The following ERC1 variants were observed in gnomAD, a reference collection of about 807,000 sequenced individuals.
ERC1 encodes ELKS/RAB6-interacting/CAST family member 1.
A neutral mutation model predicts 132.0 loss-of-function variants in ERC1; 56 were observed. The ratio of observed to expected loss-of-function variants is 0.42; its 90% CI spans 0.34 to 0.53. The LOEUF (loss-of-function observed/expected upper bound fraction) is 0.53, where lower values mean the gene tolerates loss of function less well. Ranked by LOEUF, ERC1 falls within the 20% of genes least tolerant of loss-of-function variation. The pLI is 0.03. For synonymous variants in ERC1, 478 were observed against 476.1 expected (o/e 1.00, Z -0.05); for missense variants, 1,202 against 1,349.9 (o/e 0.89, Z 1.72).
At chr12:1,122,619 ATCTGTG>A (rs199943875) in intron 7 of ERC1, among the ~76,000 whole-genome samples, 2 of 108,226 alleles carry the variant, frequency 1.8e-5, no homozygotes, top group Admixed American at 1.0e-4. Flanking sequence ...CTCTATCTCT[ATCTGTG>A]TCTCTATCTC....
In ERC1 at chr12:1,165,762, C is replaced by G. The variant is rs115794653; in HGVS notation, c.1738-14778C>G. On this transcript the variant is annotated intron_variant, in intron 8 of 18. Coordinates refer to ENST00000360905, the MANE Select transcript of ERC1 (RefSeq NM_178040.4). ...ATTCGTTGATGGATATTGCTTTGACCTAGCACTGAGGGGTTAATTTGGATG... is the reference window on the plus strand; with the variant it reads ...ATTCGTTGATGGATATTGCTTTGACGTAGCACTGAGGGGTTAATTTGGATG... 7.7e-3 allele frequency among the ~76,000 whole-genome samples: 1,179 copies of G among 152,292 alleles called. 14 individuals are homozygous for G. Among genetic ancestry groups the G allele is most frequent in the African/African-American group, 0.027 (1,115 of 41,566 alleles).
intron 1 of ERC1, among the ~76,000 whole-genome samples, chr12:1,027,134 T>C (rs1967029302): frequency 6.6e-6 from 1 of 152,242 alleles, no homozygotes; most frequent in Admixed American, 6.5e-5. Flanking sequence ...AAAGTACTTT[T>C]ATGGTTTTGT....
chr12:1,222,527 A>G (rs1259061915), intron 12 of ERC1, among the ~76,000 whole-genome samples: 1 of 152,092 alleles, frequency 6.6e-6, no homozygotes, highest in East Asian at 1.9e-4. Flanking sequence ...TATTCTCTAT[A>G]TGTAACATTT....
intron 18 of ERC1, among the ~76,000 whole-genome samples, chr12:1,446,180 A>G (rs1297311604): frequency 1.3e-5 from 2 of 152,156 alleles, no homozygotes; most frequent in African/African-American, 4.8e-5. Context: ...TCTTTTTTAC[A>G]TGTTGTGATT....
chr12:1,003,776 C>T (rs1465743291), intron 1 of ERC1, among the ~76,000 whole-genome samples: 1 of 152,212 alleles, frequency 6.6e-6, no homozygotes, highest in African/African-American at 2.4e-5. Flanking sequence ...TTATCTGTTA[C>T]ATAGTCGGCA....
At chr12:1,383,953 G>T (rs909896129) in intron 16 of ERC1, among the ~76,000 whole-genome samples, 1 of 152,070 alleles carries the variant, frequency 6.6e-6, no homozygotes, top group Non-Finnish European at 1.5e-5. Flanking sequence ...TAAGTAACTT[G>T]CCCTAAGTCC....
chr12:1,244,526 G>A (rs1278907264), intron 13 of ERC1: 4 of 451,292 alleles, frequency 8.9e-6, no homozygotes, highest in Non-Finnish European at 1.8e-5. Context: ...TTGTTTGTTT[G>A]TTTGTTTGTT....
chr12:1,238,161 CT>C (rs34549684), intron 13 of ERC1, among the ~76,000 whole-genome samples: 551 of 143,638 alleles, frequency 3.8e-3, no homozygotes, highest in Admixed American at 6.1e-3. Flanking sequence ...GTTCTTCCTC[CT>C]TTTTTTTTTT....
rs781544487 is a variant in ERC1 at position 1,180,560 on chromosome 12, G to A, written c.1758G>A (p.Gln586=). The A allele has an allele frequency of 6.2e-7, 1 of 1,614,014 alleles. No individual in the cohort carries two copies. The highest frequency in any genetic ancestry group is 2.2e-5 in the East Asian group (1 of 44,882). The change falls in exon 9 of 19, where the codon CAG becomes CAA. Residue 586 remains glutamine, a synonymous_variant. Coordinates refer to ENST00000360905, the MANE Select transcript of ERC1 (RefSeq NM_178040.4). ...TTTAGATTGAAAATCTTCAAGAGCA[G>A]CTTAGAGACAAGGAAAAGCAGATGA... ...LQKKIENLQE[Q]LRDKEKQMSS...
intron 18 of ERC1, among the ~76,000 whole-genome samples, chr12:1,455,510 T>C (rs1451302939): frequency 2.0e-5 from 3 of 152,220 alleles, no homozygotes; most frequent in Admixed American, 1.3e-4. Context: ...GGTTCTGCAC[T>C]GCGCTTAGAA....
chr12:1,032,425 C>A (rs1304435161), intron 2 of ERC1, among the ~76,000 whole-genome samples: 1 of 152,114 alleles, frequency 6.6e-6, no homozygotes, highest in Non-Finnish European at 1.5e-5. Context: ...TTGAGCTCAA[C>A]CATGAAAGGA....
chr12:1,080,123 A>AT (rs1941972855), intron 2 of ERC1, among the ~76,000 whole-genome samples: 1 of 152,148 alleles, frequency 6.6e-6, no homozygotes, highest in East Asian at 1.9e-4. Context: ...TCTCCAACCA[A>AT]TTTTTTTATT....
chr12:1,277,514 C>A (rs972073868), intron 14 of ERC1, among the ~76,000 whole-genome samples: 13 of 152,224 alleles, frequency 8.5e-5, no homozygotes, highest in African/African-American at 3.1e-4. Context: ...TTACAGAAAT[C>A]TCTTCTTAAC....
intron 7 of ERC1, among the ~76,000 whole-genome samples, chr12:1,121,885 CT>C (rs1323031660): frequency 5.3e-4 from 7 of 13,308 alleles, no homozygotes; most frequent in Non-Finnish European, 9.0e-4. Context: ...CTATCTGTGT[CT>C]CTATCTCTAT....
chr12:1,278,343 C>T (rs1188256854), intron 14 of ERC1, among the ~76,000 whole-genome samples: 1 of 152,126 alleles, frequency 6.6e-6, no homozygotes, highest in African/African-American at 2.4e-5. Context: ...TAATGGCAAC[C>T]CAGCACTCTG....
intron 13 of ERC1, among the ~76,000 whole-genome samples, chr12:1,248,591 T>C (rs1204742649): frequency 6.6e-6 from 1 of 152,194 alleles, no homozygotes; most frequent in Admixed American, 6.5e-5. Context: ...AGGGACCTTA[T>C]AGGCCATGAA....
intron 2 of ERC1, among the ~76,000 whole-genome samples, chr12:1,055,275 C>G (rs906076262): frequency 6.6e-6 from 1 of 152,122 alleles, no homozygotes; most frequent in Non-Finnish European, 1.5e-5. Flanking sequence ...TGCTTCCCGG[C>G]TTCAAGCAAT....
At chr12:1,462,202 G>A (rs114677199) in intron 18 of ERC1, among the ~76,000 whole-genome samples, 2,289 of 152,250 alleles carry the variant, frequency 0.015, 60 homozygotes, top group African/African-American at 0.052. Context: ...CCAAATGCTC[G>A]TGAAGATATG....
chr12:1,355,710 G>C (rs1352422767), intron 15 of ERC1, among the ~76,000 whole-genome samples: 1 of 152,202 alleles, frequency 6.6e-6, no homozygotes, highest in African/African-American at 2.4e-5. Flanking sequence ...CTGATCGTCA[G>C]CTCCAACTGG....
Sources: allele counts gnomAD v4.1 joint callset (sites outside exome capture counted in the v4.1 genomes callset), GRCh38; gene constraint gnomAD v4.1.1; transcripts MANE v1.5; gene names NCBI Gene and HGNC (gene_info 2026-07-23, HGNC 2026-07-21).